GMPS: variants seen among roughly 807,000 people sequenced by gnomAD.
The protein encoded by GMPS is GMP synthase [glutamine-hydrolyzing].
GMPS carries 15 observed loss-of-function variants against 77.9 expected under a neutral mutation model. The observed-to-expected ratio is 0.19, with a 90% CI of 0.13 to 0.30. GMPS has a LOEUF of 0.30. Among genes scored for constraint, GMPS ranks in the 10% least tolerant of loss-of-function variants. GMPS has a pLI of 1.00. For missense variants in GMPS, 590 were observed against 838.8 expected (o/e 0.70, Z 3.66); for synonymous variants, 224 against 275.9 (o/e 0.81, Z 1.86).
chr3:155,871,913 A>T (rs1753915737), intron 1 of GMPS, among the ~76,000 whole-genome samples: 1 of 152,096 alleles, frequency 6.6e-6, no homozygotes, highest in Admixed American at 6.5e-5. Flanking sequence ...TCTGTATTAA[A>T]ATTTTCATTG....
intron 3 of GMPS, among the ~76,000 whole-genome samples, chr3:155,900,233 C>G (rs902074682): frequency 6.6e-6 from 1 of 151,918 alleles, no homozygotes; most frequent in Non-Finnish European, 1.5e-5. Flanking sequence ...ACAGTAAAAG[C>G]CTCTTCTTTC....
At chr3:155,879,972 G>A (rs2108052649) in intron 1 of GMPS, among the ~76,000 whole-genome samples, 1 of 150,556 alleles carries the variant, frequency 6.6e-6, no homozygotes, top group Non-Finnish European at 1.5e-5. Context: ...TTTAAGTCTA[G>A]AGATGTTTCT....
At chr3:155,892,718 G>A (rs976334770) in intron 1 of GMPS, among the ~76,000 whole-genome samples, 1 of 152,164 alleles carries the variant, frequency 6.6e-6, no homozygotes, top group East Asian at 1.9e-4. Context: ...TGCAACCTCC[G>A]CCTCCGGGGT....
chr3:155,912,374 G>A (rs1463913535), intron 7 of GMPS, among the ~76,000 whole-genome samples: 1 of 152,230 alleles, frequency 6.6e-6, no homozygotes, highest in East Asian at 1.9e-4. Flanking sequence ...TAAGCTAGGG[G>A]GGTCTCTCCC....
At chr3:155,870,177 G>T (rs763945921), upstream of GMPS, among the ~76,000 whole-genome samples, 24 of 152,220 alleles carry the variant, frequency 1.6e-4, no homozygotes, top group Non-Finnish European at 3.1e-4. Flanking sequence ...ACTTTCCAAA[G>T]CAGCCTTGGC....
At chr3:155,898,216 G>A (rs1577511577) in intron 3 of GMPS, among the ~76,000 whole-genome samples, 175 bp downstream of exon 3, 1 of 152,094 alleles carries the variant, frequency 6.6e-6, no homozygotes, top group East Asian at 1.9e-4. Flanking sequence ...GGCCTGATAG[G>A]GAATCTATTT....
chr3:155,880,275 T>A (rs1754181679), intron 1 of GMPS, among the ~76,000 whole-genome samples: 1 of 152,224 alleles, frequency 6.6e-6, no homozygotes, highest in Non-Finnish European at 1.5e-5. Flanking sequence ...GTGGGTTTAA[T>A]CTGACTTAGG....
chr3:155,873,170 A>G (rs753090881), intron 1 of GMPS, among the ~76,000 whole-genome samples: 7 of 152,228 alleles, frequency 4.6e-5, no homozygotes, highest in Non-Finnish European at 8.8e-5. Flanking sequence ...CATTTCAGTT[A>G]TCAGGATTTT....
rs1753884068 is a variant in GMPS, at chr3:155,870,753, G to C, written c.-118G>C. 1 of 668,186 alleles carries C rather than the reference G, an allele frequency of 1.5e-6. No homozygotes were observed. The highest frequency in any genetic ancestry group is 1.7e-5 in the South Asian group (1 of 58,598). 41.4% of individuals were successfully genotyped at this position (668,186 alleles called of 1,614,324 possible). A position where few individuals can be genotyped will look rare whatever the true frequency, so the allele number is the denominator to read the frequency against. On this transcript the variant is annotated 5_prime_UTR_variant, in exon 1 of 16. Transcript: ENST00000496455. ...TGGCGGCTGGCTCCTCTCCGCTGCC[G>C]GCTGCTCCTCGACCAGGCCTCCTTC...
chr3:155,876,915 A>G (rs1754062684), intron 1 of GMPS, among the ~76,000 whole-genome samples: 1 of 152,248 alleles, frequency 6.6e-6, no homozygotes, highest in African/African-American at 2.4e-5. Context: ...CTAGTCTGCC[A>G]TAACACTTGC....
At chr3:155,885,378 T>TCTA (rs1382003676) in intron 1 of GMPS, among the ~76,000 whole-genome samples, 1 of 152,248 alleles carries the variant, frequency 6.6e-6, no homozygotes, top group Admixed American at 6.5e-5. Flanking sequence ...ATATTTAATA[T>TCTA]CTACACATTT....
At chr3:155,932,013 G>A (rs536637501) in intron 13 of GMPS, 133 bp downstream of exon 13, 36 of 460,514 alleles carry the variant, frequency 7.8e-5, no homozygotes, top group Non-Finnish European at 1.3e-4. Flanking sequence ...GTAAATGGCT[G>A]TGTTTGTAAT....
At position 155,910,677 on chromosome 3, in the gene GMPS, A is replaced by G. The variant is rs1214884007; in HGVS notation, c.527-15A>G. Reference sequence around the variant, plus strand: ...CATGAAAAAATTTTAATTTGTGACTATTTTCTCTATAAAGGCATAGCAAAT... The same window carrying G: ...CATGAAAAAATTTTAATTTGTGACTGTTTTCTCTATAAAGGCATAGCAAAT... On this transcript the variant is annotated splice_polypyrimidine_tract_variant and intron_variant, in intron 5 of 15. Coordinates refer to ENST00000496455, the MANE Select transcript of GMPS (RefSeq NM_003875.3). The G allele has an allele frequency of 7.9e-6, 11 of 1,388,224 alleles. No homozygotes were observed. The highest frequency in any genetic ancestry group is 2.5e-5 in the Admixed American group (1 of 39,590). 86.0% of individuals were successfully genotyped at this position (1,388,224 alleles called of 1,614,324 possible). A position where few individuals can be genotyped will look rare whatever the true frequency, so the allele number is the denominator to read the frequency against.
chr3:155,911,465 G>A (rs867121214), intron 7 of GMPS, among the ~76,000 whole-genome samples, 186 bp downstream of exon 7: 1 of 152,058 alleles, frequency 6.6e-6, no homozygotes, highest in Non-Finnish European at 1.5e-5. Context: ...TATTGATTCT[G>A]CTAATTTAAT....
intron 5 of GMPS, among the ~76,000 whole-genome samples, chr3:155,907,439 A>T (rs545905752): frequency 7.9e-4 from 121 of 152,260 alleles, no homozygotes; most frequent in African/African-American, 2.5e-3. Context: ...TTTTAAAAAA[A>T]TTAGCCAGGT....
Position 155,903,538 on chromosome 3 carries a change from C to T in GMPS, c.325-325C>T, listed in dbSNP as rs148385269. On this transcript the variant is annotated intron_variant, in intron 3 of 15. Transcript: ENST00000496455. ...CCTTTTAAAATGCTTTTAAATCAAA[C>T]TCAGGTGTAAGTAATTAAGATATCT... is the stretch of plus-strand genomic sequence containing the variant. 1.7e-4 allele frequency among the ~76,000 whole-genome samples: 26 copies of T among 152,262 alleles called. 1 individual carries two copies. The East Asian group carries it at 4.1e-3, about 24-fold the overall frequency.
intron 7 of GMPS, among the ~76,000 whole-genome samples, chr3:155,911,687 A>C (rs1755041372): frequency 6.6e-6 from 1 of 151,864 alleles, no homozygotes; most frequent in East Asian, 1.9e-4. Flanking sequence ...AAAATACAAA[A>C]AATTAGCCAG....
Position 155,910,734 on chromosome 3 carries a change from A to G in GMPS, c.569A>G (p.His190Arg), listed in dbSNP as rs1420145049. The part of the protein sequence containing the change: ...ESKKLYGAQF[H>R]PEVGLTENGK... The stretch of plus-strand genomic sequence containing the variant: ...AAAAAGTTATATGGAGCACAGTTCC[A>G]CCCTGAAGTTGGCCTTACAGAAAAT... The change falls in exon 6 of 16, where the codon CAC becomes CGC. Residue 190 changes from histidine (H) to arginine (R), a missense_variant. By Grantham distance (29) the His-to-Arg change is conservative. This residue lies in a region of GMPS where 136 missense variants were observed against 225.6 expected (regional missense o/e 0.60). Transcript: ENST00000496455. The G allele has an allele frequency of 1.2e-6, 2 of 1,609,100 alleles. No homozygotes were observed. Among genetic ancestry groups the G allele is most frequent in the South Asian group, 1.1e-5 (1 of 90,212 alleles).
intron 12 of GMPS, among the ~76,000 whole-genome samples, chr3:155,930,668 AAAAC>A (rs764520958): frequency 9.8e-5 from 15 of 152,324 alleles, no homozygotes; most frequent in Admixed American, 5.2e-4. Context: ...TTACAAGAAC[AAAAC>A]AAACAACCCC....
Sources: allele counts gnomAD v4.1 joint callset (sites outside exome capture counted in the v4.1 genomes callset), GRCh38; gene constraint gnomAD v4.1.1; regional missense constraint gnomAD v4.1.1; transcripts MANE v1.5; gene names NCBI Gene and HGNC (gene_info 2026-07-23, HGNC 2026-07-21).